Variants in PRUNE2 observed in about 807,000 individuals in gnomAD.
The protein encoded by PRUNE2 is prune homolog 2 with BCH domain.
In PRUNE2, 164 loss-of-function variants were observed where a neutral mutation model predicts 252.0. That is an observed-to-expected ratio of 0.65 (90% CI 0.57 to 0.74). The LOEUF is 0.74. Ranked by LOEUF, PRUNE2 falls within the 30% of genes least tolerant of loss-of-function variation. The pLI, the probability that PRUNE2 is intolerant of heterozygous loss-of-function variation, is 0.00. For missense variants in PRUNE2, 3,495 were observed against 3,711.0 expected, an observed-to-expected ratio of 0.94 and a Z score of 1.51; for synonymous variants, 1,292 against 1,350.2, an observed-to-expected ratio of 0.96 and a Z score of 0.94.
At chr9:76,682,716 T>C (rs2134249269) in intron 9 of PRUNE2, among the ~76,000 whole-genome samples, 1 of 152,322 alleles carries the variant, frequency 6.6e-6, no homozygotes, top group African/African-American at 2.4e-5. Flanking sequence ...TAGATGTACA[T>C]ATTTTGGGGA....
At chr9:76,824,105 C>T (rs2058203281) in intron 5 of PRUNE2, among the ~76,000 whole-genome samples, 1 of 152,132 alleles carries the variant, frequency 6.6e-6, no homozygotes, top group African/African-American at 2.4e-5. Flanking sequence ...TCCACCTAAG[C>T]AGGAAGAAGG....
At chr9:76,628,628 TCC>T (rs1836021920) in intron 16 of PRUNE2, among the ~76,000 whole-genome samples, 2 of 152,192 alleles carry the variant, frequency 1.3e-5, no homozygotes, top group African/African-American at 4.8e-5. Context: ...TGTTACTTTT[TCC>T]AAAGTGGTAG....
At chr9:76,629,333 A>C in intron 15 of PRUNE2, 43 bp from the exon 16 acceptor site, 2 of 1,040,388 alleles carry the variant, frequency 1.9e-6, no homozygotes, top group Non-Finnish European at 2.8e-6. Context: ...ATTAGTCACT[A>C]CCTTATCCAT....
At chr9:76,765,803 C>G (rs1430064587) in intron 6 of PRUNE2, among the ~76,000 whole-genome samples, 1 of 152,162 alleles carries the variant, frequency 6.6e-6, no homozygotes, top group African/African-American at 2.4e-5. Context: ...GACTCACTTT[C>G]CTTATCTATG....
chr9:76,822,722 A>G (rs1230728335), intron 6 of PRUNE2, among the ~76,000 whole-genome samples: 2 of 152,038 alleles, frequency 1.3e-5, no homozygotes, highest in African/African-American at 4.8e-5. Context: ...CAGGAGAATC[A>G]CTTGAACCCA....
rs544694091 is a variant in PRUNE2, at chr9:76,901,946, C to T, written c.36+3982G>A. On this transcript the variant is annotated intron_variant, in intron 1 of 18. Coordinates refer to ENST00000376718, the MANE Select transcript of PRUNE2 (RefSeq NM_015225.3). ...TGACAGCTGACAACATCCCCACCCC[C>T]GCCACCCAAGGCTGGCTCCTGACCT... Among the ~76,000 whole-genome samples, 12 of 152,276 alleles carry T rather than the reference C, an allele frequency of 7.9e-5. No homozygotes were observed. The South Asian group carries it at 1.2e-3, about 16-fold the overall frequency.
chr9:76,704,294 G>A (rs756481938), intron 8 of PRUNE2, among the ~76,000 whole-genome samples, 195 bp from the exon 9 acceptor site: 1 of 150,928 alleles, frequency 6.6e-6, no homozygotes. Context: ...GTGTGATCTC[G>A]GCTCACTGCA....
At chr9:76,673,087 AC>A (rs1297834290) in intron 9 of PRUNE2, among the ~76,000 whole-genome samples, 1 of 152,052 alleles carries the variant, frequency 6.6e-6, no homozygotes, top group East Asian at 1.9e-4. Flanking sequence ...GATACAAAAA[AC>A]CCTTCAAAAA....
At chr9:76,817,574 G>A (rs974644973) in intron 6 of PRUNE2, among the ~76,000 whole-genome samples, 2 of 152,122 alleles carry the variant, frequency 1.3e-5, no homozygotes, top group Admixed American at 1.3e-4. Flanking sequence ...TCTTCTCCCT[G>A]TTGACAGATA....
At chr9:76,643,406 A>G (rs565906553) in intron 12 of PRUNE2, among the ~76,000 whole-genome samples, 105 of 152,210 alleles carry the variant, frequency 6.9e-4, no homozygotes, top group Non-Finnish European at 1.2e-3. Flanking sequence ...AAGAAAACAA[A>G]CCAAAAATAT....
chr9:76,690,938 C>T (rs1328321555), intron 9 of PRUNE2, among the ~76,000 whole-genome samples: 1 of 152,180 alleles, frequency 6.6e-6, no homozygotes, highest in African/African-American at 2.4e-5. Flanking sequence ...TTTATTTTAC[C>T]TCCCAGATAG....
At chr9:76,812,559 AAG>A (rs1448451215) in intron 6 of PRUNE2, among the ~76,000 whole-genome samples, 3 of 152,208 alleles carry the variant, frequency 2.0e-5, no homozygotes, top group Non-Finnish European at 2.9e-5. Flanking sequence ...ATATCTCACA[AAG>A]AGATATACTT....
chr9:76,892,626 T>A (rs2062552255), intron 1 of PRUNE2, among the ~76,000 whole-genome samples: 1 of 152,144 alleles, frequency 6.6e-6, no homozygotes, highest in Non-Finnish European at 1.5e-5. Context: ...AAATAATAAA[T>A]AATGTTAAGT....
intron 9 of PRUNE2, among the ~76,000 whole-genome samples, chr9:76,664,185 G>A (rs965629086): frequency 6.6e-6 from 1 of 152,206 alleles, no homozygotes; most frequent in African/African-American, 2.4e-5. Flanking sequence ...GTCCTAAAAA[G>A]CACTGTGTGC....
In PRUNE2 at chr9:76,644,730, C is replaced by T. The variant is rs1298499319; in HGVS notation, c.8728+9G>A. ...CCCCATTTCCCAGATTCATGCTGAG[C>T]TCGACTACCTCCGTGAGAAATGACT... is the stretch of plus-strand genomic sequence containing the variant. On this transcript the variant is annotated intron_variant, in intron 12 of 18. Transcript: ENST00000376718. The T allele has an allele frequency of 6.2e-7, 1 of 1,613,044 alleles. No individual in the cohort carries two copies. Among genetic ancestry groups the T allele is most frequent in the South Asian group, 1.1e-5 (1 of 91,032 alleles).
chr9:76,747,830 C>G (rs2135683085), intron 6 of PRUNE2, among the ~76,000 whole-genome samples: 1 of 149,824 alleles, frequency 6.7e-6, no homozygotes, highest in Admixed American at 6.6e-5. Context: ...AAGTCTTGCT[C>G]TGTCGCCCAG....
At chr9:76,846,452 T>A in intron 4 of PRUNE2, 63 bp downstream of exon 4, 5 of 1,404,082 alleles carry the variant, frequency 3.6e-6, no homozygotes, top group Non-Finnish European at 4.9e-6. Flanking sequence ...TCTTTCTACA[T>A]GAGCAGGCTG....
intron 6 of PRUNE2, 96 bp downstream of exon 6, chr9:76,823,536 A>G: frequency 1.3e-6 from 1 of 786,548 alleles, no homozygotes. Flanking sequence ...GCAAAGGACT[A>G]TCATGGACTT....
chr9:76,631,151 T>G (rs1837473122), intron 15 of PRUNE2, among the ~76,000 whole-genome samples: 1 of 152,236 alleles, frequency 6.6e-6, no homozygotes, highest in African/African-American at 2.4e-5. Flanking sequence ...ACCAGTGATA[T>G]GCTACATTAA....
Sources: allele counts gnomAD v4.1 joint callset (sites outside exome capture counted in the v4.1 genomes callset), GRCh38; gene constraint gnomAD v4.1.1; transcripts MANE v1.5; gene names NCBI Gene and HGNC (gene_info 2026-07-23, HGNC 2026-07-21).